SLC8A1: variants seen among roughly 807,000 people sequenced by gnomAD.
The protein encoded by SLC8A1 is sodium/calcium exchanger 1.
In SLC8A1, 18 loss-of-function variants were observed where a neutral mutation model predicts 68.3. The ratio of observed to expected loss-of-function variants is 0.26; its 90% CI spans 0.18 to 0.39. SLC8A1 has a LOEUF of 0.39. SLC8A1 is among the 10% of genes least tolerant of loss of function. The pLI, the probability that SLC8A1 is intolerant of heterozygous loss-of-function variation, is 1.00. For missense variants in SLC8A1, 985 were observed against 1,156.7 expected, an observed-to-expected ratio of 0.85 and a Z score of 2.15; for synonymous variants, 475 against 415.5, an observed-to-expected ratio of 1.14 and a Z score of -1.74.
At chr2:40,269,416 A>C (rs1397412547) in intron 2 of SLC8A1, among the ~76,000 whole-genome samples, 1 of 152,152 alleles carries the variant, frequency 6.6e-6, no homozygotes. Context: ...TTGCTCTTTG[A>C]CTTAGAAAAA....
intron 2 of SLC8A1, among the ~76,000 whole-genome samples, chr2:40,412,864 C>T (rs1468919326): frequency 2.6e-5 from 4 of 152,096 alleles, no homozygotes; most frequent in Admixed American, 2.0e-4. Context: ...CTCTGAAATG[C>T]TAGAGTGTAA....
At chr2:40,252,955 G>GTATC (rs2063090379) in intron 2 of SLC8A1, among the ~76,000 whole-genome samples, 3 of 116,758 alleles carry the variant, frequency 2.6e-5, no homozygotes, top group Admixed American at 1.9e-4. Context: ...ATATACATAT[G>GTATC]TGTGTATATG....
intron 1 of SLC8A1, among the ~76,000 whole-genome samples, chr2:40,481,035 C>A (rs1216716607): frequency 3.9e-5 from 6 of 152,010 alleles, no homozygotes; most frequent in Admixed American, 1.3e-4. Context: ...ATTATTTGAC[C>A]TTAGATGTAA....
At chr2:40,288,841 ATATATATATATG>A (rs1480825995) in intron 2 of SLC8A1, among the ~76,000 whole-genome samples, 25 of 143,700 alleles carry the variant, frequency 1.7e-4, no homozygotes, top group African/African-American at 6.0e-4. Context: ...AATCATATAT[ATATATATATATG>A]TATATATATG....
exon 2 of SLC8A1, chr2:40,429,770 T>C: frequency 1.2e-6 from 2 of 1,613,824 alleles, no homozygotes; most frequent in Non-Finnish European, 1.7e-6. Context: ...CTTCCCACGA[T>C]GGTGCTAGGA....
intron 7 of SLC8A1, among the ~76,000 whole-genome samples, 191 bp from the exon 11 acceptor site, chr2:40,115,820 G>T (rs888064345): frequency 2.6e-5 from 4 of 152,188 alleles, no homozygotes; most frequent in African/African-American, 4.8e-5. Context: ...GGGAGTTAAG[G>T]GTTCAGTGCT....
intron 2 of SLC8A1, among the ~76,000 whole-genome samples, chr2:40,409,254 T>A (rs72798667): frequency 6.6e-6 from 1 of 152,258 alleles, no homozygotes; most frequent in Non-Finnish European, 1.5e-5. Context: ...AATCATATTT[T>A]GTTACTAGGG....
At chr2:40,115,224 A>T in exon 8 of SLC8A1, 1 of 1,459,420 alleles carries the variant, frequency 6.9e-7, no homozygotes, top group East Asian at 2.5e-5. Context: ...ATATGTATAT[A>T]TATAAATTTA....
intron 6 of SLC8A1, among the ~76,000 whole-genome samples, chr2:40,151,488 G>A (rs2043420152): frequency 6.6e-6 from 1 of 152,136 alleles, no homozygotes; most frequent in Non-Finnish European, 1.5e-5. Context: ...GGGCAGATTT[G>A]CGGTTGTTGT....
chr2:40,200,563 C>T (rs968902159), intron 2 of SLC8A1, among the ~76,000 whole-genome samples: 1 of 151,338 alleles, frequency 6.6e-6, no homozygotes, highest in African/African-American at 2.4e-5. Context: ...CCCTCTTAGC[C>T]CCCTTATCAT....
intron 3 of SLC8A1, chr2:40,177,620 C>T: frequency 1.8e-6 from 1 of 559,250 alleles, no homozygotes; most frequent in Non-Finnish European, 3.2e-6. Context: ...AATGAAATTG[C>T]TAAAGCTTCA....
chr2:40,235,911 T>A (rs974196738), intron 2 of SLC8A1, among the ~76,000 whole-genome samples: 2 of 151,962 alleles, frequency 1.3e-5, no homozygotes, highest in African/African-American at 4.8e-5. Context: ...TGAGGGGTTT[T>A]GAGTGAGATT....
At chr2:40,405,593 T>A (rs945710458) in intron 2 of SLC8A1, among the ~76,000 whole-genome samples, 5 of 152,212 alleles carry the variant, frequency 3.3e-5, no homozygotes, top group African/African-American at 1.2e-4. Context: ...TACTTTTGCA[T>A]TCCAGCACTT....
chr2:40,341,977 A>C (rs141248787), intron 2 of SLC8A1, among the ~76,000 whole-genome samples: 1 of 152,174 alleles, frequency 6.6e-6, no homozygotes, highest in African/African-American at 2.4e-5. Flanking sequence ...CTTATTAAAA[A>C]GTAGGTAGCA....
At chr2:40,249,111 A>G (rs536785839) in intron 2 of SLC8A1, among the ~76,000 whole-genome samples, 65 of 152,314 alleles carry the variant, frequency 4.3e-4, no homozygotes, top group African/African-American at 1.5e-3. Context: ...TGACGTTTGA[A>G]GTTCATCAAG....
intron 1 of SLC8A1, among the ~76,000 whole-genome samples, chr2:40,436,091 G>A (rs561350122): frequency 3.2e-4 from 49 of 151,968 alleles, no homozygotes; most frequent in African/African-American, 1.1e-3. Flanking sequence ...CTTCTTACAT[G>A]CTATCTATTT....
intron 1 of SLC8A1, among the ~76,000 whole-genome samples, chr2:40,474,799 A>G (rs1317417861): frequency 6.6e-6 from 1 of 152,220 alleles, no homozygotes; most frequent in African/African-American, 2.4e-5. Context: ...CTATAATGTT[A>G]GATCATGAAA....
At chr2:40,359,506 C>G (rs547473659) in intron 2 of SLC8A1, among the ~76,000 whole-genome samples, 2 of 152,132 alleles carry the variant, frequency 1.3e-5, no homozygotes, top group African/African-American at 4.8e-5. Flanking sequence ...TTCGCAGCTT[C>G]TGGGTAGAAA....
chr2:40,151,225 CA>C (rs2043355731), intron 6 of SLC8A1, among the ~76,000 whole-genome samples: 1 of 152,004 alleles, frequency 6.6e-6, no homozygotes, highest in South Asian at 2.1e-4. Context: ...ATAGAGAAAA[CA>C]AATGTCTCAA....
Sources: allele counts gnomAD v4.1 joint callset (sites outside exome capture counted in the v4.1 genomes callset), GRCh38; gene constraint gnomAD v4.1.1; transcripts MANE v1.5; gene names NCBI Gene and HGNC (gene_info 2026-07-23, HGNC 2026-07-21).